Variants in DRG1 observed in about 807,000 individuals in gnomAD.
The protein encoded by DRG1 is developmentally-regulated GTP-binding protein 1.
Under a neutral mutation model 38.8 loss-of-function variants are expected in DRG1, and 19 were observed. That is an observed-to-expected ratio of 0.49 (90% CI 0.34 to 0.72). DRG1 has a LOEUF of 0.72. Ranked by LOEUF, DRG1 falls within the 30% of genes least tolerant of loss-of-function variation. DRG1 has a pLI of 0.01. For missense variants in DRG1, 299 were observed against 444.8 expected, an observed-to-expected ratio of 0.67 and a Z score of 2.95; for synonymous variants, 167 against 157.5, an observed-to-expected ratio of 1.06 and a Z score of -0.45.
chr22:31,431,080 G>C (rs1315245866), intron 8 of DRG1, among the ~76,000 whole-genome samples: 9 of 130,110 alleles, frequency 6.9e-5, no homozygotes, highest in Non-Finnish European at 1.2e-4. Context: ...CTGTTGCCCA[G>C]GCTGAGTGCA....
chr22:31,423,533 T>C (rs1369549794), intron 6 of DRG1, 123 bp downstream of exon 6: 13 of 1,215,728 alleles, frequency 1.1e-5, no homozygotes, highest in Non-Finnish European at 1.5e-5. Flanking sequence ...CTTTTTTTTT[T>C]TTTTTTTTTT....
At chr22:31,421,220 C>T (rs5997983) in intron 5 of DRG1, 30 of 151,950 alleles carry the variant, frequency 2.0e-4, no homozygotes, top group African/African-American at 6.8e-4. Flanking sequence ...CTCAAGTGAC[C>T]CTCCTGCCTC....
chr22:31,400,298 G>C lies in DRG1; in HGVS notation c.43-322G>C, dbSNP rs1415009839. ...TTCCATTGCGTGCGGCCCTGAGAGC[G>C]CTTTACAATTAGGAAAGTGGTGTCC... On this transcript the variant is annotated intron_variant, in intron 1 of 8. Transcript: ENST00000331457. Among the ~76,000 whole-genome samples the C allele has an allele frequency of 3.3e-5, 5 of 151,814 alleles. No homozygotes were observed. The Admixed American group carries it at 3.3e-4, about 10-fold the overall frequency.
intron 3 of DRG1, among the ~76,000 whole-genome samples, chr22:31,408,722 C>T (rs2050002675): frequency 7.4e-6 from 1 of 134,466 alleles, no homozygotes; most frequent in African/African-American, 2.8e-5. Context: ...CACTGCACTT[C>T]AGCCTGGGCG....
At chr22:31,399,771 C>T (rs374352220) in intron 1 of DRG1, 46 bp downstream of exon 1, 7 of 1,613,494 alleles carry the variant, frequency 4.3e-6, no homozygotes. Context: ...AGCATTCCTT[C>T]TTTGGTGGCG....
intron 8 of DRG1, among the ~76,000 whole-genome samples, chr22:31,431,391 G>T (rs2050139110): frequency 1.3e-5 from 2 of 152,170 alleles, no homozygotes; most frequent in Admixed American, 1.3e-4. Flanking sequence ...ATAGGGCTAG[G>T]TGTGGTAGCT....
At chr22:31,412,436 C>T (rs534485624) in intron 4 of DRG1, among the ~76,000 whole-genome samples, 38 of 148,744 alleles carry the variant, frequency 2.6e-4, no homozygotes, top group South Asian at 1.1e-3. Flanking sequence ...CTGCAAGCTC[C>T]GCCTCCCGGG....
intron 6 of DRG1, among the ~76,000 whole-genome samples, chr22:31,425,702 A>G (rs2050106125): frequency 6.6e-6 from 1 of 152,132 alleles, no homozygotes; most frequent in Non-Finnish European, 1.5e-5. Flanking sequence ...TGGCCTCCCA[A>G]CGTGTTGGGA....
At chr22:31,433,289 T>TTTTTTTTA (rs2050151411) in intron 8 of DRG1, among the ~76,000 whole-genome samples, 1 of 149,516 alleles carries the variant, frequency 6.7e-6, no homozygotes, top group Non-Finnish European at 1.5e-5. Flanking sequence ...TTTTTTTTTT[T>TTTTTTTTA]GAGGCGGAGT....
intron 4 of DRG1, among the ~76,000 whole-genome samples, chr22:31,415,346 A>G (rs1220030081): frequency 6.6e-6 from 1 of 152,200 alleles, no homozygotes; most frequent in African/African-American, 2.4e-5. Context: ...TTATTACAGA[A>G]ACTTTTATTG....
intron 8 of DRG1, among the ~76,000 whole-genome samples, chr22:31,432,861 G>A (rs1324287606): frequency 2.6e-5 from 4 of 151,998 alleles, no homozygotes; most frequent in Non-Finnish European, 2.9e-5. Context: ...GCCCGGCCTG[G>A]AATATAGATT....
chr22:31,401,032 A>G (rs1038188306), intron 2 of DRG1, among the ~76,000 whole-genome samples: 1 of 152,082 alleles, frequency 6.6e-6, no homozygotes, highest in Non-Finnish European at 1.5e-5. Context: ...TGAATTCTTG[A>G]ACTGTGTTTA....
intron 5 of DRG1, among the ~76,000 whole-genome samples, chr22:31,421,048 T>C (rs971144576): frequency 2.6e-5 from 4 of 152,080 alleles, no homozygotes; most frequent in African/African-American, 9.7e-5. Context: ...ACCTCCTGAG[T>C]AGCTGGGATT....
intron 4 of DRG1, among the ~76,000 whole-genome samples, chr22:31,416,419 C>G (rs1050408694): frequency 2.0e-5 from 3 of 152,202 alleles, no homozygotes; most frequent in East Asian, 1.9e-4. Context: ...CTGGCTGCCT[C>G]TCTGACCTCC....
intron 2 of DRG1, 37 bp downstream of exon 2, chr22:31,400,780 T>C (rs776569461): frequency 6.3e-7 from 1 of 1,588,538 alleles, no homozygotes. Context: ...TTTTTAGGTA[T>C]AATTTTTGTC....
intron 8 of DRG1, among the ~76,000 whole-genome samples, chr22:31,431,915 A>G (rs747254581): frequency 4.6e-5 from 7 of 152,138 alleles, no homozygotes; most frequent in Admixed American, 6.6e-5. Context: ...CTTTCCTTCT[A>G]TGGTGGCAAA....
chr22:31,414,785 T>TC (rs2050035416), intron 4 of DRG1, among the ~76,000 whole-genome samples: 1 of 149,066 alleles, frequency 6.7e-6, no homozygotes. Context: ...ATTTTCTTTT[T>TC]TTTTTTTTTT....
chr22:31,407,596 G>T lies in DRG1; in HGVS notation c.343-3416G>T, dbSNP rs1474266285. Among the ~76,000 whole-genome samples, 3 of 151,960 alleles carry T rather than the reference G, an allele frequency of 2.0e-5. No homozygotes were observed. The East Asian group carries it at 5.8e-4, about 29-fold the overall frequency. On this transcript the variant is annotated intron_variant, in intron 3 of 8. Transcript: ENST00000331457. ...AGCAGTCTACCTGCCTCAGCCTCCT[G>T]AGGTGCTGGGGTTATAGGCATGAGC...
intron 3 of DRG1, among the ~76,000 whole-genome samples, chr22:31,405,686 G>C (rs963274915): frequency 1.3e-5 from 2 of 150,130 alleles, no homozygotes; most frequent in Non-Finnish European, 1.5e-5. Context: ...TGTGTGGGGG[G>C]GTTTATTTAT....
Sources: allele counts gnomAD v4.1 joint callset (sites outside exome capture counted in the v4.1 genomes callset), GRCh38; gene constraint gnomAD v4.1.1; transcripts MANE v1.5; gene names NCBI Gene and HGNC (gene_info 2026-07-23, HGNC 2026-07-21).